Variants in MPPED1 observed in about 807,000 individuals in gnomAD.
MPPED1 encodes the protein metallophosphoesterase domain containing 1.
MPPED1 carries 16 observed loss-of-function variants against 36.2 expected under a neutral mutation model. The ratio of observed to expected loss-of-function variants is 0.44; its 90% CI spans 0.30 to 0.67. The LOEUF (loss-of-function observed/expected upper bound fraction) is 0.67, where lower values mean the gene tolerates loss of function less well. Among genes scored for constraint, MPPED1 ranks in the 30% least tolerant of loss-of-function variants. The probability of loss-of-function intolerance (pLI) is 0.10; values close to 1 mark genes in which losing one functional copy is unlikely to be tolerated. For synonymous variants in MPPED1, 199 were observed against 191.3 expected (o/e 1.04, Z -0.33); for missense variants, 307 against 453.4 (o/e 0.68, Z 2.93).
intron 3 of MPPED1, among the ~76,000 whole-genome samples, chr22:43,466,074 A>T (rs9620144): frequency 1.3e-5 from 2 of 152,220 alleles, no homozygotes; most frequent in African/African-American, 4.8e-5. Flanking sequence ...GGAAACAAGC[A>T]GTTGAAGATG....
intron 3 of MPPED1, among the ~76,000 whole-genome samples, chr22:43,453,813 T>C (rs1930658140): frequency 6.6e-6 from 1 of 152,090 alleles, no homozygotes; most frequent in African/African-American, 2.4e-5. Context: ...ACATTGATCA[T>C]TTTAGTCTTT....
intron 5 of MPPED1, among the ~76,000 whole-genome samples, chr22:43,500,145 G>A (rs868394786): frequency 7.4e-5 from 5 of 67,582 alleles, no homozygotes; most frequent in Admixed American, 1.5e-4. Flanking sequence ...AATGGAGGTG[G>A]TGGGGGTGGT....
rs181008937 is a variant in MPPED1 at position 43,503,534 on chromosome 22, A to G, written c.862+777A>G. Among the ~76,000 whole-genome samples the G allele has an allele frequency of 4.8e-3, 735 of 152,248 alleles. 2 individuals are homozygous for G. Among genetic ancestry groups the G allele is most frequent in the African/African-American group, 0.017 (717 of 41,506 alleles). ...CCCAGGCCTCCACATTGCCTGGTCC[A>G]TATTAGATCGTTTTCCAGCTCAAAA... On this transcript the variant is annotated intron_variant, in intron 6 of 6. Coordinates refer to ENST00000443721, the MANE Select transcript of MPPED1 (RefSeq NM_001044370.2).
At chr22:43,503,448 C>T (rs1007051200) in intron 6 of MPPED1, among the ~76,000 whole-genome samples, 4 of 152,202 alleles carry the variant, frequency 2.6e-5, no homozygotes, top group Admixed American at 6.5e-5. Context: ...TCTGGACTGA[C>T]GTGGTTTCCC....
At chr22:43,479,098 C>T (rs1931667363) in intron 4 of MPPED1, among the ~76,000 whole-genome samples, 1 of 152,188 alleles carries the variant, frequency 6.6e-6, no homozygotes. Context: ...CCCCAGCTGT[C>T]TGTTGAGGTT....
Position 43,425,210 on chromosome 22 carries a change from G to C in MPPED1, c.224+1G>C. On this transcript the variant is annotated splice_donor_variant, in intron 2 of 6. Coordinates refer to ENST00000443721, the MANE Select transcript of MPPED1 (RefSeq NM_001044370.2). LOFTEE classifies it high-confidence loss of function. ...GCTTCCAGCCACCGCATGTGCAGAT[G>C]TAAGTGGGACCGGTGGGGTGGGGGT... 1 of 1,153,714 alleles carries C rather than the reference G, an allele frequency of 8.7e-7. No individual in the cohort carries two copies. Among genetic ancestry groups the C allele is most frequent in the Non-Finnish European group, 1.2e-6 (1 of 825,446 alleles). The allele number at this position is 1,153,714 out of a possible 1,614,324, so 71.5% of individuals were successfully genotyped here.
chr22:43,420,923 C>T (rs1929250292), intron 1 of MPPED1, among the ~76,000 whole-genome samples: 1 of 152,234 alleles, frequency 6.6e-6, no homozygotes, highest in Non-Finnish European at 1.5e-5. Flanking sequence ...AGGGCCTTGG[C>T]TAATGGTTGT....
chr22:43,467,964 G>A (rs1931231985), intron 3 of MPPED1, among the ~76,000 whole-genome samples: 1 of 152,124 alleles, frequency 6.6e-6, no homozygotes. Context: ...GTACCTTTTG[G>A]AGGGAGATTA....
At chr22:43,436,590 G>A (rs535639059) in intron 3 of MPPED1, among the ~76,000 whole-genome samples, 1 of 152,278 alleles carries the variant, frequency 6.6e-6, no homozygotes, top group Admixed American at 6.5e-5. Context: ...GTCCTTCTCT[G>A]GGATTCTCCC....
chr22:43,467,244 C>A (rs1174278048), intron 3 of MPPED1, among the ~76,000 whole-genome samples: 1 of 152,190 alleles, frequency 6.6e-6, no homozygotes, highest in African/African-American at 2.4e-5. Flanking sequence ...GAGAATGGCC[C>A]GTGCCTGCTA....
intron 3 of MPPED1, among the ~76,000 whole-genome samples, chr22:43,470,227 T>G (rs1387105697): frequency 6.6e-6 from 1 of 150,854 alleles, no homozygotes; most frequent in Non-Finnish European, 1.5e-5. Context: ...CATGTATGCA[T>G]CTATATATCC....
Position 43,474,730 on chromosome 22 carries a change from C to T in MPPED1, c.407-6C>T. 1 of 1,613,782 alleles carries T rather than the reference C, an allele frequency of 6.2e-7. No homozygotes were observed. Reference sequence around the variant, plus strand: ...GCTGTGTGTCTGTCTGTGTCCACCCCTGCAGGCAGCCTGCCCTACGAGTAC... The same window carrying T: ...GCTGTGTGTCTGTCTGTGTCCACCCTTGCAGGCAGCCTGCCCTACGAGTAC... On this transcript the variant is annotated splice_region_variant and splice_polypyrimidine_tract_variant and intron_variant, in intron 3 of 6. Transcript: ENST00000443721. The surrounding 1 kb of genome is among the most constrained non-coding windows in gnomAD (Gnocchi z 5.2).
chr22:43,499,651 T>C (rs2146922122), intron 5 of MPPED1, among the ~76,000 whole-genome samples: 1 of 109,576 alleles, frequency 9.1e-6, no homozygotes. Flanking sequence ...GTGGTGGTGG[T>C]GATGGGGGTG....
intron 2 of MPPED1, among the ~76,000 whole-genome samples, chr22:43,428,347 C>T (rs73166202): frequency 0.012 from 1,880 of 152,332 alleles, 16 homozygotes; most frequent in Non-Finnish European, 0.02. Flanking sequence ...GGAGCATGCT[C>T]CGAGCTCCAG....
intron 1 of MPPED1, among the ~76,000 whole-genome samples, chr22:43,412,668 C>CCCAT (rs59354174): frequency 0.081 from 12,100 of 149,168 alleles, 609 homozygotes; most frequent in Non-Finnish European, 0.12. Context: ...ATCCCTCCCT[C>CCCAT]CCATCCATCC....
rs2146804740 is a variant in MPPED1, at chr22:43,412,157, A to C, written c.-80A>C. The C allele has an allele frequency of 1.0e-6, 1 of 977,436 alleles. No homozygotes were observed. The highest frequency in any genetic ancestry group is 1.2e-6 in the Non-Finnish European group (1 of 826,774). 60.5% of individuals were successfully genotyped at this position (977,436 alleles called of 1,614,324 possible). The stretch of plus-strand genomic sequence containing the variant: ...GGCCGCCGAAGAGGAGCCCGGGGCC[A>C]GGTAGGACCGGAGGCGGGCGGGGCG... On this transcript the variant is annotated splice_region_variant and 5_prime_UTR_variant, in exon 1 of 7. Transcript: ENST00000443721.
At chr22:43,458,290 CT>C (rs200720175) in intron 3 of MPPED1, among the ~76,000 whole-genome samples, 5,257 of 146,392 alleles carry the variant, frequency 0.036, 209 homozygotes, top group East Asian at 0.21. Flanking sequence ...ATTGTACTGT[CT>C]TTTTTTTTTT....
At chr22:43,436,053 C>A (rs562587260) in intron 3 of MPPED1, among the ~76,000 whole-genome samples, 1 of 152,216 alleles carries the variant, frequency 6.6e-6, no homozygotes, top group Non-Finnish European at 1.5e-5. Flanking sequence ...TTCCCATGCA[C>A]TGCGCCATGG....
At chr22:43,438,104 C>T (rs1378991329) in intron 3 of MPPED1, among the ~76,000 whole-genome samples, 1 of 152,186 alleles carries the variant, frequency 6.6e-6, no homozygotes, top group Non-Finnish European at 1.5e-5. Context: ...AGGCCCTGAG[C>T]ACACAGGGCC....
Sources: allele counts gnomAD v4.1 joint callset (sites outside exome capture counted in the v4.1 genomes callset), GRCh38; gene constraint gnomAD v4.1.1; non-coding constraint Gnocchi (gnomAD v3.1); transcripts MANE v1.5; gene names NCBI Gene and HGNC (gene_info 2026-07-23, HGNC 2026-07-21).